Variants in DGKI observed in about 807,000 individuals in gnomAD.
DGKI encodes diacylglycerol kinase iota.
A neutral mutation model predicts 147.5 loss-of-function variants in DGKI; 55 were observed. The ratio of observed to expected loss-of-function variants is 0.37; its 90% CI spans 0.30 to 0.47. The LOEUF (loss-of-function observed/expected upper bound fraction) is 0.47. Ranked by LOEUF, DGKI falls within the 20% of genes least tolerant of loss-of-function variation. The pLI is 1.00. For missense variants in DGKI, 1,007 were observed against 1,323.8 expected (o/e 0.76, Z 3.71); for synonymous variants, 469 against 477.1 (o/e 0.98, Z 0.22).
chr7:137,781,237 C>T (rs1222593505), intron 1 of DGKI, among the ~76,000 whole-genome samples: 1 of 152,100 alleles, frequency 6.6e-6, no homozygotes, highest in African/African-American at 2.4e-5. Flanking sequence ...GGAGGTGTGG[C>T]CAGGAGCCTA....
At position 137,609,544 on chromosome 7, in the gene DGKI, T is replaced by G. The variant is rs1472075133; in HGVS notation, c.1059A>C (p.Arg353Ser). Residue 353 changes from arginine (R) to serine (S), a missense_variant, in exon 9 of 33, where the codon AGA becomes AGC. Transcript: ENST00000614521. ...ACTCTGAAACACTTACTTCCATCCC[T>G]CTTTTACTGGCTTTTCTTTTAAAGC... ...RTSFKRKASK[R>S]GMEQENKGRP... 2 of 1,612,040 alleles carry G rather than the reference T, an allele frequency of 1.2e-6. No individual in the cohort carries two copies. The highest frequency in any genetic ancestry group is 2.2e-5 in the East Asian group (1 of 44,836).
chr7:137,556,424 A>G (rs1443748570), intron 19 of DGKI, among the ~76,000 whole-genome samples: 2 of 152,160 alleles, frequency 1.3e-5, no homozygotes, highest in Non-Finnish European at 2.9e-5. Flanking sequence ...ATGCAAACTT[A>G]CTAATATTTC....
At position 137,668,832 on chromosome 7, in the gene DGKI, G is replaced by A. The variant is rs568703546; in HGVS notation, c.606+9725C>T. Among the ~76,000 whole-genome samples the A allele has an allele frequency of 2.6e-5, 4 of 152,304 alleles. No homozygotes were observed. The East Asian group carries it at 7.7e-4, about 29-fold the overall frequency. ...AACTTTCCTCGAGGAAACAGAGGTA[G>A]TAGGTGATGCTAAGACTCTCCAAAC... On this transcript the variant is annotated intron_variant, in intron 3 of 32. Transcript: ENST00000614521.
intron 1 of DGKI, among the ~76,000 whole-genome samples, chr7:137,817,731 A>C (rs1320786781): frequency 6.6e-6 from 1 of 152,236 alleles, no homozygotes; most frequent in East Asian, 1.9e-4. Flanking sequence ...GATTATTTCA[A>C]TGATAAGAGT....
chr7:137,409,564 T>TAAG (rs1812085078), intron 29 of DGKI, among the ~76,000 whole-genome samples: 2 of 152,120 alleles, frequency 1.3e-5, no homozygotes, highest in Non-Finnish European at 2.9e-5. Context: ...ATCCCTAAAC[T>TAAG]GGGGGGCAAG....
intron 1 of DGKI, among the ~76,000 whole-genome samples, chr7:137,798,985 G>A (rs1171161247): frequency 6.6e-6 from 1 of 151,904 alleles, no homozygotes; most frequent in Non-Finnish European, 1.5e-5. Context: ...AACAAAACTA[G>A]GAATATAAGG....
chr7:137,773,853 A>T (rs1796283822), intron 1 of DGKI, among the ~76,000 whole-genome samples: 2 of 152,226 alleles, frequency 1.3e-5, no homozygotes, highest in Non-Finnish European at 2.9e-5. Context: ...ACTGAGGCTC[A>T]CAGAAGCTAT....
rs1160918844 is a variant in DGKI, at chr7:137,474,996, C to T, written c.2374-5377G>A. On this transcript the variant is annotated intron_variant, in intron 23 of 32. Transcript: ENST00000614521. ...CACATAAAATGCTTAACCCATTTGC[C>T]GAAACATGTTTATGTGCAGATATAA... is the stretch of plus-strand genomic sequence containing the variant. Among the ~76,000 whole-genome samples the T allele has an allele frequency of 3.3e-5, 5 of 152,020 alleles. No homozygotes were observed. In the East Asian group the frequency reaches 7.7e-4, roughly 23 times the overall value.
chr7:137,484,179 TC>T (rs1188272709), intron 23 of DGKI, among the ~76,000 whole-genome samples: 32 of 152,062 alleles, frequency 2.1e-4, no homozygotes, highest in African/African-American at 7.2e-4. Flanking sequence ...CAAAGGCCAT[TC>T]CTGTCATTAA....
chr7:137,701,765 A>T (rs1364390788), intron 1 of DGKI, among the ~76,000 whole-genome samples: 1 of 152,146 alleles, frequency 6.6e-6, no homozygotes, highest in East Asian at 1.9e-4. Flanking sequence ...AAAACTTCCC[A>T]AACTGATACT....
At chr7:137,404,822 T>C (rs1262141271) in intron 30 of DGKI, among the ~76,000 whole-genome samples, 1 of 71,154 alleles carries the variant, frequency 1.4e-5, no homozygotes, top group Non-Finnish European at 2.7e-5. Flanking sequence ...CGGAGTGGTA[T>C]TGTGTGACTC....
At position 137,389,727 on chromosome 7, in the gene DGKI, T is replaced by A. The variant is rs1426214365; in HGVS notation, c.*1493A>T. 6.6e-6 allele frequency: 1 copy of A among 152,178 alleles called. No homozygotes were observed. The allele number at this position is 152,178 out of a possible 1,614,324, so 9.4% of individuals were successfully genotyped here. A position where few individuals can be genotyped will look rare whatever the true frequency, so the allele number is the denominator to read the frequency against. On this transcript the variant is annotated 3_prime_UTR_variant, in exon 33 of 33. Coordinates refer to ENST00000614521, the MANE Select transcript of DGKI (RefSeq NM_001321708.2). ...TCACAGAGTCCCTAAGAGAGGTACC[T>A]GTAAGTACCATTCGATCCGTGGCAG...
At chr7:137,689,173 G>A (rs987951637) in intron 2 of DGKI, among the ~76,000 whole-genome samples, 6 of 152,174 alleles carry the variant, frequency 3.9e-5, no homozygotes, top group Non-Finnish European at 7.3e-5. Context: ...CATCAGGGAA[G>A]GCTGGCAGAA....
intron 1 of DGKI, among the ~76,000 whole-genome samples, chr7:137,828,380 C>G (rs1798121938): frequency 6.6e-6 from 1 of 152,132 alleles, no homozygotes; most frequent in Non-Finnish European, 1.5e-5. Flanking sequence ...CGAGAGGATT[C>G]CTCATGCTAT....
At chr7:137,684,320 C>T (rs1823341264) in intron 2 of DGKI, among the ~76,000 whole-genome samples, 1 of 152,176 alleles carries the variant, frequency 6.6e-6, no homozygotes, top group Non-Finnish European at 1.5e-5. Flanking sequence ...AAACATCTCC[C>T]TAATAATTTT....
At chr7:137,737,520 A>T (rs920707257) in intron 1 of DGKI, among the ~76,000 whole-genome samples, 2 of 151,896 alleles carry the variant, frequency 1.3e-5, no homozygotes, top group African/African-American at 4.8e-5. Context: ...ATTAAAAAAA[A>T]AAAAAGTTAA....
chr7:137,807,416 G>A (rs796568269), intron 1 of DGKI, among the ~76,000 whole-genome samples: 1 of 152,158 alleles, frequency 6.6e-6, no homozygotes, highest in African/African-American at 2.4e-5. Flanking sequence ...ATTTATGCAC[G>A]AGCTACCTCG....
At chr7:137,397,569 C>G (rs192859153) in intron 30 of DGKI, among the ~76,000 whole-genome samples, 156 bp from the exon 31 acceptor site, 1 of 152,296 alleles carries the variant, frequency 6.6e-6, no homozygotes, top group East Asian at 1.9e-4. Flanking sequence ...TCCTCTACCT[C>G]CTCATCACCA....
At chr7:137,408,418 T>C (rs1812041059) in intron 29 of DGKI, among the ~76,000 whole-genome samples, 1 of 152,220 alleles carries the variant, frequency 6.6e-6, no homozygotes, top group Non-Finnish European at 1.5e-5. Flanking sequence ...GCTAAGCTTC[T>C]TGCCTGTGTC....
Sources: gnomAD v4.1 joint callset for allele counts (sites outside exome capture counted in the v4.1 genomes callset) on GRCh38, gnomAD v4.1.1 for gene constraint, MANE v1.5 for transcripts, NCBI Gene and HGNC (gene_info 2026-07-23, HGNC 2026-07-21) for gene names.